Variants in RPL35 observed in about 807,000 individuals in gnomAD.
RPL35 encodes large ribosomal subunit protein uL29.
RPL35 carries 2 observed loss-of-function variants against 15.6 expected under a neutral mutation model. That is an observed-to-expected ratio of 0.13 (90% confidence interval 0.05 to 0.40). The LOEUF (loss-of-function observed/expected upper bound fraction) is 0.40. Ranked by LOEUF, RPL35 falls within the 10% of genes least tolerant of loss-of-function variation. The probability of loss-of-function intolerance (pLI) is 0.99; values close to 1 mark genes in which losing one functional copy is unlikely to be tolerated. For missense variants in RPL35, 111 were observed against 164.7 expected (o/e 0.67, Z 1.79); for synonymous variants, 93 against 67.9 (o/e 1.37, Z -1.82).
At chr9:124,860,547 A>G (rs1187647102) in intron 2 of RPL35, among the ~76,000 whole-genome samples, 3 of 152,184 alleles carry the variant, frequency 2.0e-5, no homozygotes, top group African/African-American at 4.8e-5. Flanking sequence ...GACCCAACCA[A>G]TGCCAATTTC....
rs1445810467 is a variant in RPL35 at position 124,858,672 on chromosome 9, C to T, written c.223-605G>A. 8.1e-6 allele frequency: 5 copies of T among 615,648 alleles called. No individual in the cohort carries two copies. In the East Asian group the frequency reaches 1.1e-4, roughly 14 times the overall value. The allele number at this position is 615,648 out of a possible 1,614,324, so 38.1% of individuals were successfully genotyped here. A position where few individuals can be genotyped will look rare whatever the true frequency, so the allele number is the denominator to read the frequency against. ...TCCATCCTTGGCTCCCACTCCTGCCCCACTTGTTCTCCAGCAGGGGGTTCT... is the reference window on the plus strand; with the variant it reads ...TCCATCCTTGGCTCCCACTCCTGCCTCACTTGTTCTCCAGCAGGGGGTTCT... On this transcript the variant is annotated intron_variant, in intron 3 of 3. Coordinates refer to ENST00000348462, the MANE Select transcript of RPL35 (RefSeq NM_007209.4).
At chr9:124,861,119 GCCACCC>G in intron 2 of RPL35, 1 of 372,386 alleles carries the variant, frequency 2.7e-6, no homozygotes, top group East Asian at 5.1e-5. Context: ...CAGGGTGCAA[GCCACCC>G]ACCTGCCAAG....
At chr9:124,858,642 G>A (rs914842757) in intron 3 of RPL35, 31 of 636,720 alleles carry the variant, frequency 4.9e-5, no homozygotes, top group Non-Finnish European at 8.6e-5. Flanking sequence ...GCCATCATCT[G>A]TCTTTCCATC....
chr9:124,859,548 C>G lies in RPL35; in HGVS notation c.222+635G>C, dbSNP rs535010484. On this transcript the variant is annotated intron_variant, in intron 3 of 3. Coordinates refer to ENST00000348462, the MANE Select transcript of RPL35 (RefSeq NM_007209.4). ...TGAGCCCTGAGTCCCAGCCAGCCCC[C>G]ACAATCACCTATGCCCATTCTTCAG... is the stretch of plus-strand genomic sequence containing the variant. 3.3e-5 allele frequency among the ~76,000 whole-genome samples: 5 copies of G among 152,344 alleles called. 1 individual carries two copies. In the East Asian group the frequency reaches 9.6e-4, roughly 29 times the overall value.
At chr9:124,860,385 G>T in intron 2 of RPL35, 121 bp from the exon 3 acceptor site, 1 of 806,672 alleles carries the variant, frequency 1.2e-6, no homozygotes. Context: ...TATTCACTCA[G>T]GAGGAAGGCG....
rs372002428 is a variant in RPL35 at position 124,861,563 on chromosome 9, C to G, written c.4-8G>C. The G allele has an allele frequency of 1.9e-6, 3 of 1,613,316 alleles. No individual in the cohort carries two copies. The East Asian group carries it at 6.7e-5, about 36-fold the overall frequency. On this transcript the variant is annotated splice_polypyrimidine_tract_variant and splice_region_variant and intron_variant, in intron 1 of 3. Coordinates refer to ENST00000348462, the MANE Select transcript of RPL35 (RefSeq NM_007209.4). ...TCGAGCCTTGATCTTGGCCTGCGCG[C>G]AAGAGAGAGTGTGCCTCAGCCAGGC...
At chr9:124,860,292 A>G (rs1418065060) in intron 2 of RPL35, 28 bp from the exon 3 acceptor site, 2 of 1,585,304 alleles carry the variant, frequency 1.3e-6, no homozygotes, top group Admixed American at 1.7e-5. Context: ...CAGTGAAGAT[A>G]GGGAAGACAC....
intron 2 of RPL35, 121 bp from the exon 3 acceptor site, chr9:124,860,385 G>A: frequency 1.2e-6 from 1 of 806,672 alleles, no homozygotes; most frequent in Non-Finnish European, 2.2e-6. Flanking sequence ...TATTCACTCA[G>A]GAGGAAGGCG....
At chr9:124,859,069 C>G (rs1829156287) in intron 3 of RPL35, among the ~76,000 whole-genome samples, 1 of 152,218 alleles carries the variant, frequency 6.6e-6, no homozygotes, top group African/African-American at 2.4e-5. Context: ...GTTCTGCTGT[C>G]CAACAGAGCA....
At chr9:124,861,193 G>A in intron 2 of RPL35, 1 of 544,154 alleles carries the variant, frequency 1.8e-6, no homozygotes, top group Non-Finnish European at 3.2e-6. Flanking sequence ...GGTAGGCTTT[G>A]AAGGCAGCAT....
intron 3 of RPL35, chr9:124,858,372 C>A: frequency 1.5e-6 from 1 of 647,474 alleles, no homozygotes. Context: ...CTTCCACTGC[C>A]CGATTCCCAG....
chr9:124,861,724 C>G, intron 1 of RPL35, 169 bp from the exon 2 acceptor site: 1 of 1,327,894 alleles, frequency 7.5e-7, no homozygotes, highest in Non-Finnish European at 1.0e-6. Flanking sequence ...GCAGAGTAAC[C>G]CAGGCCCGGG....
chr9:124,858,361 C>T (rs1829140107), intron 3 of RPL35: 2 of 639,846 alleles, frequency 3.1e-6, no homozygotes, highest in Non-Finnish European at 5.8e-6. Flanking sequence ...ACTCAGTGCT[C>T]CTTCCACTGC....
chr9:124,860,287 A>G, intron 2 of RPL35, 23 bp from the exon 3 acceptor site: 4 of 1,592,114 alleles, frequency 2.5e-6, no homozygotes, highest in Non-Finnish European at 3.4e-6. Flanking sequence ...GATGTCAGTG[A>G]AGATAGGGAA....
Position 124,861,490 on chromosome 9 carries a change from G to T in RPL35, c.69C>A (p.Asp23Glu). ...GCAGCTGGGACAGCTCCACCTTCAGGTCGTCCAGCTGTTTCAGCAGCTCCT... is the reference window on the plus strand; with the variant it reads ...GCAGCTGGGACAGCTCCACCTTCAGTTCGTCCAGCTGTTTCAGCAGCTCCT... ...KKEELLKQLD[D>E]LKVELSQLRV... is the part of the protein sequence containing the mutation. Residue 23 changes from aspartate (D) to glutamate (E), a missense_variant, in exon 2 of 4, where the codon GAC (aspartate) becomes GAA (glutamate). Transcript: ENST00000348462. The T allele has an allele frequency of 6.2e-7, 1 of 1,613,982 alleles. No individual in the cohort carries two copies.
At chr9:124,858,544 G>A in intron 3 of RPL35, 1 of 714,876 alleles carries the variant, frequency 1.4e-6, no homozygotes, top group Non-Finnish European at 2.6e-6. Context: ...CTGCCTGTAT[G>A]AACGTCCAGC....
At chr9:124,861,588 C>T (rs765357882) in intron 1 of RPL35, 33 bp from the exon 2 acceptor site, 2 of 1,609,302 alleles carry the variant, frequency 1.2e-6, no homozygotes, top group Admixed American at 3.4e-5. Context: ...CTCAGCCAGG[C>T]CGCGGGGCCA....
intron 3 of RPL35, 57 bp downstream of exon 3, chr9:124,860,126 G>T: frequency 7.7e-7 from 1 of 1,298,180 alleles, no homozygotes; most frequent in Non-Finnish European, 1.1e-6. Context: ...CCCCGGCCAG[G>T]GACGGCTAGC....
At chr9:124,860,804 T>C (rs1040496638) in intron 2 of RPL35, among the ~76,000 whole-genome samples, 2 of 152,146 alleles carry the variant, frequency 1.3e-5, no homozygotes, top group African/African-American at 4.8e-5. Context: ...CTCCCACCCC[T>C]GCCTCTACTA....
Sources: gnomAD v4.1 joint callset for allele counts (sites outside exome capture counted in the v4.1 genomes callset) on GRCh38, gnomAD v4.1.1 for gene constraint, MANE v1.5 for transcripts, NCBI Gene and HGNC (gene_info 2026-07-23, HGNC 2026-07-21) for gene names.